Variants in ZRANB3 observed in about 807,000 individuals in gnomAD.
ZRANB3 encodes DNA annealing helicase and endonuclease ZRANB3.
Under a neutral mutation model 133.8 loss-of-function variants are expected in ZRANB3, and 125 were observed. That is an observed-to-expected ratio of 0.93 (90% CI 0.81 to 1.08). ZRANB3 has a LOEUF of 1.08. Ranked by LOEUF, ZRANB3 falls within the 50% of genes least tolerant of loss-of-function variation. The pLI is 0.00. For synonymous variants in ZRANB3, 387 were observed against 432.7 expected, an observed-to-expected ratio of 0.89 and a Z score of 1.31; for missense variants, 1,229 against 1,275.5, an observed-to-expected ratio of 0.96 and a Z score of 0.56.
At chr2:135,445,470 AGT>A (rs2104998264) in intron 2 of ZRANB3, among the ~76,000 whole-genome samples, 1 of 152,128 alleles carries the variant, frequency 6.6e-6, no homozygotes, top group South Asian at 2.1e-4. Flanking sequence ...AGGGGAAAAT[AGT>A]GTGCTTTTAT....
chr2:135,268,917 T>C (rs773279619), intron 11 of ZRANB3, 45 bp downstream of exon 11: 14 of 1,554,076 alleles, frequency 9.0e-6, no homozygotes, highest in Non-Finnish European at 1.2e-5. Flanking sequence ...TTGGCTATGG[T>C]TAATAGTAAG....
intron 1 of ZRANB3, among the ~76,000 whole-genome samples, chr2:135,522,463 C>T (rs1369688113): frequency 6.6e-6 from 1 of 152,076 alleles, no homozygotes; most frequent in Non-Finnish European, 1.5e-5. Flanking sequence ...GGGCTGGTTT[C>T]CCCAACAGGG....
intron 2 of ZRANB3, among the ~76,000 whole-genome samples, chr2:135,483,122 C>A (rs1162877093): frequency 6.6e-6 from 1 of 151,962 alleles, no homozygotes; most frequent in African/African-American, 2.4e-5. Context: ...CAGAATGATG[C>A]TGGCCTCATA....
At chr2:135,465,471 G>A (rs887349735) in intron 2 of ZRANB3, among the ~76,000 whole-genome samples, 4 of 152,114 alleles carry the variant, frequency 2.6e-5, no homozygotes, top group Admixed American at 6.6e-5. Flanking sequence ...CTATGATAAC[G>A]AAATGAAATC....
At chr2:135,263,600 C>T (rs1343016126) in intron 12 of ZRANB3, among the ~76,000 whole-genome samples, 1 of 151,970 alleles carries the variant, frequency 6.6e-6, no homozygotes, top group East Asian at 1.9e-4. Context: ...TTAGGTGAAC[C>T]TGTTATATAT....
At chr2:135,375,377 A>T (rs1686374787) in intron 3 of ZRANB3, among the ~76,000 whole-genome samples, 1 of 151,832 alleles carries the variant, frequency 6.6e-6, no homozygotes, top group South Asian at 2.1e-4. Flanking sequence ...ACATGGGGAA[A>T]CCCCATCTCT....
At chr2:135,450,007 G>T (rs569548780) in intron 2 of ZRANB3, among the ~76,000 whole-genome samples, 1 of 152,280 alleles carries the variant, frequency 6.6e-6, no homozygotes, top group Non-Finnish European at 1.5e-5. Flanking sequence ...CACCCAAAGT[G>T]CTGGGATTGC....
At chr2:135,323,419 A>C (rs948658104) in intron 6 of ZRANB3, among the ~76,000 whole-genome samples, 1 of 152,308 alleles carries the variant, frequency 6.6e-6, no homozygotes, top group East Asian at 1.9e-4. Context: ...AAGTTAGAGG[A>C]GGATACATTG....
rs1558872440 is a variant in ZRANB3 at position 135,265,637 on chromosome 2, G to C, written c.1436C>G (p.Ala479Gly). 2.5e-6 allele frequency: 4 copies of C among 1,613,498 alleles called. No individual in the cohort carries two copies. The East Asian group carries it at 8.9e-5, about 36-fold the overall frequency. The change falls in exon 12 of 21, where the codon GCT becomes GGT. Residue 479 changes from alanine to glycine, a missense_variant. Transcript: ENST00000264159. ...CCATTTTTCCTTATCACCTTCCTCAGCCTGAATTTTTTCTTTCCTACCGTT... is the reference window on the plus strand; with the variant it reads ...CCATTTTTCCTTATCACCTTCCTCACCCTGAATTTTTTCTTTCCTACCGTT... ...TLNGRKEKIQ[A>G]EEGDKEKWDF...
chr2:135,329,152 G>T (rs765183729), intron 6 of ZRANB3, among the ~76,000 whole-genome samples: 1 of 152,332 alleles, frequency 6.6e-6, no homozygotes, highest in Middle Eastern at 3.4e-3. Context: ...TATCCTGAAT[G>T]ATATTGCCTA....
chr2:135,239,460 C>T (rs987352185), intron 12 of ZRANB3, among the ~76,000 whole-genome samples: 8 of 151,654 alleles, frequency 5.3e-5, no homozygotes, highest in Non-Finnish European at 7.4e-5. Context: ...AAAATTTAGG[C>T]TGTTCCCATA....
intron 10 of ZRANB3, among the ~76,000 whole-genome samples, chr2:135,269,908 C>T (rs1204431429): frequency 6.6e-6 from 1 of 152,018 alleles, no homozygotes; most frequent in Non-Finnish European, 1.5e-5. Flanking sequence ...AAATATCTGC[C>T]TTTTTTTGAG....
At chr2:135,521,614 T>C (rs1014759086) in intron 1 of ZRANB3, among the ~76,000 whole-genome samples, 19 of 152,192 alleles carry the variant, frequency 1.2e-4, no homozygotes, top group African/African-American at 4.1e-4. Context: ...ATTTGTGCCA[T>C]TGTAGCCTCA....
intron 15 of ZRANB3, 72 bp downstream of exon 15, chr2:135,224,354 G>A: frequency 8.7e-7 from 1 of 1,147,780 alleles, no homozygotes. Flanking sequence ...ATAAAATTAA[G>A]TATCTCCACT....
At chr2:135,327,093 G>A (rs1683874306) in intron 6 of ZRANB3, among the ~76,000 whole-genome samples, 2 of 151,904 alleles carry the variant, frequency 1.3e-5, no homozygotes, top group African/African-American at 2.4e-5. Flanking sequence ...TGAGTACATG[G>A]GGGGTTCATT....
intron 1 of ZRANB3, among the ~76,000 whole-genome samples, chr2:135,516,100 T>G (rs1461876592): frequency 6.7e-6 from 1 of 148,646 alleles, no homozygotes; most frequent in Non-Finnish European, 1.5e-5. Flanking sequence ...TTGCAACCCC[T>G]GTTTTTTCTT....
chr2:135,298,465 C>G (rs1261523452), intron 8 of ZRANB3, among the ~76,000 whole-genome samples: 2 of 152,114 alleles, frequency 1.3e-5, no homozygotes, highest in African/African-American at 4.8e-5. Flanking sequence ...GAGGAAAGAT[C>G]TGGGGCTCAA....
At chr2:135,250,953 T>A (rs547796543) in intron 12 of ZRANB3, among the ~76,000 whole-genome samples, 12 of 152,222 alleles carry the variant, frequency 7.9e-5, no homozygotes, top group Admixed American at 7.8e-4. Flanking sequence ...GAATGGTAGA[T>A]CCACTGACAG....
chr2:135,326,531 A>G (rs1683834528), intron 6 of ZRANB3, among the ~76,000 whole-genome samples: 1 of 152,146 alleles, frequency 6.6e-6, no homozygotes, highest in Non-Finnish European at 1.5e-5. Flanking sequence ...TTTGTTACAT[A>G]GGTAAACGTG....
Sources: allele counts gnomAD v4.1 joint callset (sites outside exome capture counted in the v4.1 genomes callset), GRCh38; gene constraint gnomAD v4.1.1; transcripts MANE v1.5; gene names NCBI Gene and HGNC (gene_info 2026-07-23, HGNC 2026-07-21).